The following LRRC38 variants were observed in gnomAD, a reference collection of about 807,000 sequenced individuals.
LRRC38 encodes leucine rich repeat containing 38.
A neutral mutation model predicts 16.4 loss-of-function variants in LRRC38; 5 were observed. That is an observed-to-expected ratio of 0.31 (90% CI 0.16 to 0.64). The LOEUF (loss-of-function observed/expected upper bound fraction) is 0.64, where lower values mean the gene tolerates loss of function less well. LRRC38 is among the 30% of genes least tolerant of loss of function. LRRC38 has a pLI of 0.80. For missense variants in LRRC38, 341 were observed against 401.8 expected (o/e 0.85, Z 1.29); for synonymous variants, 191 against 190.2 (o/e 1.00, Z -0.04).
intron 1 of LRRC38, among the ~76,000 whole-genome samples, chr1:13,484,237 CCTCCCTGCCTCCATTCAAAGCAGCCGCT>C (rs1638905404): frequency 6.6e-6 from 1 of 152,234 alleles, no homozygotes; most frequent in Non-Finnish European, 1.5e-5. Context: ...CTCAAAGAGG[CCTCCCTGCCTCCATTCAAAGCAGCCGCT>C]CTCCCCACCC....
At chr1:13,499,600 T>C (rs1569931413) in intron 1 of LRRC38, among the ~76,000 whole-genome samples, 1 of 152,068 alleles carries the variant, frequency 6.6e-6, no homozygotes. Flanking sequence ...TTGAAGTGAG[T>C]CTAACAAAGG....
Position 13,513,179 on chromosome 1 carries a change from T to G in LRRC38, c.415A>C (p.Asn139His). 6.5e-7 allele frequency: 1 copy of G among 1,550,306 alleles called. No individual in the cohort carries two copies. Among genetic ancestry groups the G allele is most frequent in the South Asian group, 1.2e-5 (1 of 84,044 alleles). ...GCGTCCTCGTGCACGCCCACCAGGT[T>G]GTTGTTAGCCAGGCTAAGCTTCACC... is the stretch of plus-strand genomic sequence containing the variant. Reference protein sequence around the residue: ...RLVKLSLANNNLVGVHEDAFE... With the variant: ...RLVKLSLANNHLVGVHEDAFE... The change falls in exon 1 of 2, where the codon AAC (asparagine) becomes CAC (histidine). Residue 139 changes from asparagine (N) to histidine (H), a missense_variant. Asn to His is a moderately conservative substitution (Grantham distance 68, BLOSUM62 1). Coordinates refer to ENST00000376085, the MANE Select transcript of LRRC38 (RefSeq NM_001010847.2).
At chr1:13,481,757 CTTT>C (rs1638864819) in intron 1 of LRRC38, among the ~76,000 whole-genome samples, 1 of 81,246 alleles carries the variant, frequency 1.2e-5, no homozygotes, top group African/African-American at 9.1e-5. Context: ...CTCTCACTTT[CTTT>C]CCCTCTCTCT....
intron 1 of LRRC38, among the ~76,000 whole-genome samples, chr1:13,476,859 A>C (rs1366830517): frequency 6.6e-6 from 1 of 152,036 alleles, no homozygotes; most frequent in East Asian, 1.9e-4. Context: ...CTGTCCTCTG[A>C]GTGGAAATGA....
Position 13,476,050 on chromosome 1 carries a change from G to T in LRRC38, c.681C>A (p.Ser227=). ...CSLPMESRRI[S]LRELSEASFS... is the part of the protein sequence containing the mutation. ...AGCTGGCCTCCGACAGCTCACGCAG[G>T]GATATCCTCCTGCTCTCCATGGGCA... The change falls in exon 2 of 2, where the codon TCC becomes TCA. Residue 227 remains serine, a synonymous_variant. Transcript: ENST00000376085. 1 of 1,550,466 alleles carries T rather than the reference G, an allele frequency of 6.4e-7. No individual in the cohort carries two copies. Among genetic ancestry groups the T allele is most frequent in the Non-Finnish European group, 8.7e-7 (1 of 1,146,966 alleles).
chr1:13,493,178 T>A (rs1024639050), intron 1 of LRRC38, among the ~76,000 whole-genome samples: 5 of 152,076 alleles, frequency 3.3e-5, no homozygotes, highest in Non-Finnish European at 7.4e-5. Flanking sequence ...TTTTTTTTTG[T>A]ATTTATAATT....
At chr1:13,499,544 G>T (rs1639121954) in intron 1 of LRRC38, among the ~76,000 whole-genome samples, 1 of 152,182 alleles carries the variant, frequency 6.6e-6, no homozygotes, top group African/African-American at 2.4e-5. Context: ...GCAGGAATTT[G>T]CTTCCTTTGT....
At chr1:13,492,970 G>A (rs977978951) in intron 1 of LRRC38, among the ~76,000 whole-genome samples, 2 of 152,138 alleles carry the variant, frequency 1.3e-5, no homozygotes. Context: ...GAGTTCCCTG[G>A]GGGCCACGCT....
Position 13,475,585 on chromosome 1 carries a change from C to T in LRRC38, c.*261G>A, listed in dbSNP as rs970622663. The T allele has an allele frequency of 4.2e-6, 2 of 471,282 alleles. No homozygotes were observed. The highest frequency in any genetic ancestry group is 7.7e-6 in the Non-Finnish European group (2 of 261,028). The allele number at this position is 471,282 out of a possible 1,614,324, so 29.2% of individuals were successfully genotyped here. ...AAGCCTGACTCGGTCATCTTCTCCC[C>T]CAACACACACCTCGATCTGAGAGGC... On this transcript the variant is annotated 3_prime_UTR_variant, in exon 2 of 2. Coordinates refer to ENST00000376085, the MANE Select transcript of LRRC38 (RefSeq NM_001010847.2). This position sits in a 1 kb window ranked among gnomAD's most constrained non-coding sequence, Gnocchi z 4.3.
At chr1:13,500,914 G>A (rs1186302863) in intron 1 of LRRC38, among the ~76,000 whole-genome samples, 1 of 152,194 alleles carries the variant, frequency 6.6e-6, no homozygotes, top group Non-Finnish European at 1.5e-5. Flanking sequence ...GTTGAGGAGG[G>A]AGGGGAGAGG....
intron 1 of LRRC38, among the ~76,000 whole-genome samples, chr1:13,480,432 G>C (rs61781238): frequency 6.6e-6 from 1 of 152,130 alleles, no homozygotes; most frequent in Non-Finnish European, 1.5e-5. Flanking sequence ...CACTGCTTTA[G>C]AGTGAAATGC....
At chr1:13,503,851 G>A (rs59715940) in intron 1 of LRRC38, among the ~76,000 whole-genome samples, 7,787 of 152,210 alleles carry the variant, frequency 0.051, 658 homozygotes, top group African/African-American at 0.18. Context: ...ATGGCCCATA[G>A]CTCCCTCAAG....
In LRRC38 at chr1:13,513,506, C is replaced by T; in HGVS notation, c.88G>A (p.Ala30Thr). The change falls in exon 1 of 2, where the codon GCG (alanine) becomes ACG (threonine). Residue 30 changes from alanine to threonine, a missense_variant. Ala to Thr is a moderately conservative substitution (Grantham distance 58). Transcript: ENST00000376085. ...LLLAPGHACP[A>T]GCACTDPHTV... ...TGCGGGTCGGTGCAGGCGCAGCCCG[C>T]GGGGCACGCGTGCCCGGGCGCGAGC... is the stretch of plus-strand genomic sequence containing the variant. 1.4e-6 allele frequency: 2 copies of T among 1,460,946 alleles called. No individual in the cohort carries two copies. Among genetic ancestry groups the T allele is most frequent in the East Asian group, 2.5e-5 (1 of 39,428 alleles). 90.5% of individuals were successfully genotyped at this position (1,460,946 alleles called of 1,614,324 possible).
Position 13,513,480 on chromosome 1 carries a change from G to A in LRRC38, c.114C>T (p.His38=). The part of the protein sequence containing the change: ...CPAGCACTDP[H]TVDCRDRGLP... ...GCCCGCGGTCGCGGCAGTCCACGGT[G>A]TGCGGGTCGGTGCAGGCGCAGCCCG... Residue 38 remains histidine (H), a synonymous_variant, in exon 1 of 2, where the codon CAC becomes CAT. Transcript: ENST00000376085. 2 of 1,538,876 alleles carry A rather than the reference G, an allele frequency of 1.3e-6. No individual in the cohort carries two copies. Among genetic ancestry groups the A allele is most frequent in the South Asian group, 1.2e-5 (1 of 82,110 alleles).
chr1:13,489,867 G>T (rs930266256), intron 1 of LRRC38, among the ~76,000 whole-genome samples: 6 of 152,106 alleles, frequency 3.9e-5, no homozygotes, highest in Middle Eastern at 3.2e-3. Flanking sequence ...AGCTGATTTT[G>T]CTAAGAGGAA....
At chr1:13,499,399 A>C (rs764876712) in intron 1 of LRRC38, among the ~76,000 whole-genome samples, 1 of 152,160 alleles carries the variant, frequency 6.6e-6, no homozygotes, top group Non-Finnish European at 1.5e-5. Flanking sequence ...GCACCTGGCC[A>C]GATGATCCTA....
chr1:13,481,385 A>ATT (rs201732940), intron 1 of LRRC38, among the ~76,000 whole-genome samples: 296 of 115,270 alleles, frequency 2.6e-3, no homozygotes, highest in African/African-American at 7.1e-3. Flanking sequence ...TGTTTTTTTT[A>ATT]TTTTTTTTTT....
Position 13,475,720 on chromosome 1 carries a change from C to T in LRRC38, c.*126G>A, listed in dbSNP as rs977808155. On this transcript the variant is annotated 3_prime_UTR_variant, in exon 2 of 2. Coordinates refer to ENST00000376085, the MANE Select transcript of LRRC38 (RefSeq NM_001010847.2). The surrounding 1 kb of genome is among the most constrained non-coding windows in gnomAD (Gnocchi z 4.3). ...GCAGGTGTACCCAGGGGCCAAGACACGGAACAGGCTCTGTTCAGTTCACAG... is the reference window on the plus strand; with the variant it reads ...GCAGGTGTACCCAGGGGCCAAGACATGGAACAGGCTCTGTTCAGTTCACAG... 2.9e-5 allele frequency: 37 copies of T among 1,273,264 alleles called. No homozygotes were observed. The highest frequency in any genetic ancestry group is 6.0e-5 in the African/African-American group (4 of 66,722). 78.9% of individuals were successfully genotyped at this position (1,273,264 alleles called of 1,614,324 possible).
At chr1:13,484,280 A>G (rs963492557) in intron 1 of LRRC38, among the ~76,000 whole-genome samples, 4 of 150,938 alleles carry the variant, frequency 2.7e-5, no homozygotes, top group African/African-American at 9.8e-5. Context: ...CCACCCCATC[A>G]TCCTCCATCT....
Sources: gnomAD v4.1 joint callset for allele counts (sites outside exome capture counted in the v4.1 genomes callset) on GRCh38, gnomAD v4.1.1 for gene constraint, Gnocchi (gnomAD v3.1) non-coding constraint, MANE v1.5 for transcripts, NCBI Gene and HGNC (gene_info 2026-07-23, HGNC 2026-07-21) for gene names.